The following SOX5 variants were observed in gnomAD, a reference collection of about 807,000 sequenced individuals.
SOX5 encodes transcription factor SOX-5.
A neutral mutation model predicts 92.0 loss-of-function variants in SOX5; 9 were observed. That is an observed-to-expected ratio of 0.10 (90% CI 0.06 to 0.17). The LOEUF (loss-of-function observed/expected upper bound fraction) is 0.17, where lower values mean the gene tolerates loss of function less well. Ranked by LOEUF, SOX5 falls within the 10% of genes least tolerant of loss-of-function variation. The pLI, the probability that SOX5 is intolerant of heterozygous loss-of-function variation, is 1.00. For synonymous variants in SOX5, 344 were observed against 336.3 expected (o/e 1.02, Z -0.25); for missense variants, 642 against 944.5 (o/e 0.68, Z 4.20).
At chr12:23,884,538 T>TA (rs1029481509) in intron 2 of SOX5, among the ~76,000 whole-genome samples, 1 of 152,178 alleles carries the variant, frequency 6.6e-6, no homozygotes, top group East Asian at 1.9e-4. Flanking sequence ...TAGGGTAAAA[T>TA]AAAAAATCAA....
chr12:24,087,940 TGAA>T (rs1944208600), intron 4 of SOX5, among the ~76,000 whole-genome samples: 1 of 152,032 alleles, frequency 6.6e-6, no homozygotes, highest in South Asian at 2.1e-4. Flanking sequence ...TTGGGTGTAA[TGAA>T]GGAAAGGCAG....
chr12:23,981,568 G>A (rs1432390391), intron 4 of SOX5, among the ~76,000 whole-genome samples: 2 of 152,102 alleles, frequency 1.3e-5, no homozygotes, highest in Non-Finnish European at 2.9e-5. Flanking sequence ...ATGCACTTAT[G>A]AAGAGCTTGG....
At chr12:23,691,733 TTA>T (rs1220450081) in intron 6 of SOX5, among the ~76,000 whole-genome samples, 2 of 152,178 alleles carry the variant, frequency 1.3e-5, no homozygotes, top group African/African-American at 4.8e-5. Context: ...ATTCTTTGTA[TTA>T]TGTGTGTCTT....
intron 4 of SOX5, among the ~76,000 whole-genome samples, chr12:24,129,808 A>G (rs2138471034): frequency 6.6e-6 from 1 of 152,336 alleles, no homozygotes. Context: ...TATTGGGAGA[A>G]AGTTTTGAAG....
intron 4 of SOX5, among the ~76,000 whole-genome samples, chr12:24,113,148 T>C (rs1393910567): frequency 6.7e-6 from 1 of 150,356 alleles, no homozygotes; most frequent in Non-Finnish European, 1.5e-5. Flanking sequence ...TTAAGAGGAA[T>C]TAATATATAA....
chr12:24,224,111 C>A (rs1961266555), intron 3 of SOX5, among the ~76,000 whole-genome samples: 2 of 152,178 alleles, frequency 1.3e-5, no homozygotes, highest in African/African-American at 4.8e-5. Flanking sequence ...AACGAATTAC[C>A]ATTAATTTGA....
intron 4 of SOX5, among the ~76,000 whole-genome samples, chr12:23,744,557 A>G (rs1279882700): frequency 6.6e-6 from 1 of 152,118 alleles, no homozygotes; most frequent in Non-Finnish European, 1.5e-5. Flanking sequence ...AATCACAGTA[A>G]TTTTTCCTCA....
At chr12:24,030,231 A>C (rs914389189) in intron 4 of SOX5, among the ~76,000 whole-genome samples, 2 of 151,936 alleles carry the variant, frequency 1.3e-5, no homozygotes, top group African/African-American at 2.4e-5. Context: ...CTAACCTCAA[A>C]TAGCCAAATA....
intron 6 of SOX5, among the ~76,000 whole-genome samples, chr12:23,685,620 C>T (rs1417879162): frequency 1.1e-4 from 17 of 150,422 alleles, no homozygotes; most frequent in Middle Eastern, 6.8e-3. Flanking sequence ...CTCTAAAAAT[C>T]CTTTTTGTCC....
At chr12:24,529,462 C>A (rs573717290) in intron 1 of SOX5, among the ~76,000 whole-genome samples, 1 of 152,084 alleles carries the variant, frequency 6.6e-6, no homozygotes, top group Non-Finnish European at 1.5e-5. Context: ...TACCACATAC[C>A]TTTTAACGAA....
chr12:23,595,618 C>CA (rs747265656), intron 9 of SOX5, among the ~76,000 whole-genome samples: 1,269 of 46,290 alleles, frequency 0.027, 125 homozygotes, highest in African/African-American at 0.074. Context: ...GACTCTGCCT[C>CA]AAAAAAAAAA....
intron 4 of SOX5, among the ~76,000 whole-genome samples, chr12:23,979,962 C>CAGACAGAT (rs1251117542): frequency 1.5e-5 from 2 of 135,546 alleles, no homozygotes; most frequent in Non-Finnish European, 3.3e-5. Context: ...GACAGACAGA[C>CAGACAGAT]AGATAGATAG....
intron 10 of SOX5, among the ~76,000 whole-genome samples, chr12:23,566,885 T>A (rs546155916): frequency 1.3e-5 from 2 of 152,346 alleles, no homozygotes; most frequent in Non-Finnish European, 2.9e-5. Flanking sequence ...AAGTGTGATA[T>A]TTGACAAATT....
At chr12:24,035,287 T>C (rs1955912963) in intron 4 of SOX5, among the ~76,000 whole-genome samples, 1 of 152,110 alleles carries the variant, frequency 6.6e-6, no homozygotes, top group Non-Finnish European at 1.5e-5. Flanking sequence ...TGGTAAAAGC[T>C]AACCAATGAT....
intron 2 of SOX5, among the ~76,000 whole-genome samples, chr12:23,867,596 T>A (rs2096828455): frequency 6.6e-6 from 1 of 152,104 alleles, no homozygotes; most frequent in Admixed American, 6.5e-5. Flanking sequence ...CTAGAACTTC[T>A]TTCTTTAAAT....
intron 4 of SOX5, among the ~76,000 whole-genome samples, chr12:24,107,681 A>AT (rs1411667968): frequency 6.6e-6 from 1 of 152,352 alleles, no homozygotes; most frequent in Admixed American, 6.5e-5. Flanking sequence ...ACGTAAGAGG[A>AT]TGAAGACCTT....
chr12:24,548,281 T>C lies in SOX5; in HGVS notation c.-251+14048A>G, dbSNP rs184513192. Among the ~76,000 whole-genome samples, 47 of 152,340 alleles carry C rather than the reference T, an allele frequency of 3.1e-4. No homozygotes were observed. The East Asian group carries it at 5.2e-3, about 17-fold the overall frequency. Reference sequence around the variant, plus strand: ...TGCTCACAACATGATTACAATATGCTACAATAGATGCTGAAAGCCATAAAG... The same window carrying C: ...TGCTCACAACATGATTACAATATGCCACAATAGATGCTGAAAGCCATAAAG... On this transcript the variant is annotated intron_variant, in intron 1 of 4. Coordinates refer to the SOX5 transcript ENST00000446891.
intron 4 of SOX5, among the ~76,000 whole-genome samples, chr12:23,974,930 G>A (rs997872018): frequency 2.0e-5 from 3 of 151,984 alleles, no homozygotes; most frequent in Non-Finnish European, 2.9e-5. Flanking sequence ...ATGTTTGGGG[G>A]GAAAGTATAA....
At chr12:24,505,101 A>G (rs1948592453) in intron 1 of SOX5, among the ~76,000 whole-genome samples, 1 of 152,148 alleles carries the variant, frequency 6.6e-6, no homozygotes, top group South Asian at 2.1e-4. Context: ...CATGTTATAA[A>G]CCTATGCCTA....
Sources: gnomAD v4.1 joint callset for allele counts (sites outside exome capture counted in the v4.1 genomes callset) on GRCh38, gnomAD v4.1.1 for gene constraint, MANE v1.5 for transcripts, NCBI Gene and HGNC (gene_info 2026-07-23, HGNC 2026-07-21) for gene names.